CD72: variants seen among roughly 807,000 people sequenced by gnomAD.
CD72 encodes the protein B-cell differentiation antigen CD72.
CD72 carries 28 observed loss-of-function variants against 50.7 expected under a neutral mutation model. That is an observed-to-expected ratio of 0.55 (90% CI 0.41 to 0.76). The LOEUF (loss-of-function observed/expected upper bound fraction) is 0.76, where lower values mean the gene tolerates loss of function less well. CD72 is among the 30% of genes least tolerant of loss of function. CD72 has a pLI of 0.00. For synonymous variants in CD72, 176 were observed against 171.2 expected, an observed-to-expected ratio of 1.03 and a Z score of -0.22; for missense variants, 403 against 420.6, an observed-to-expected ratio of 0.96 and a Z score of 0.37.
chr9:35,612,890 C>T lies in CD72; in HGVS notation c.792G>A (p.Leu264=). The T allele has an allele frequency of 6.2e-7, 1 of 1,614,184 alleles. No individual in the cohort carries two copies. Among genetic ancestry groups the T allele is most frequent in the South Asian group, 1.1e-5 (1 of 91,080 alleles). Residue 264 remains leucine (L), a synonymous_variant, in exon 6 of 9, where the codon CTG becomes CTA. Transcript: ENST00000259633. ...CACTGAATGTGGCCAGCTTGGAAGA[C>T]AGAGTTTCACATTGTTTTTGGCTCT... ...WQESQKQCET[L]SSKLATFSEI...
At chr9:35,624,681 G>A (rs1028666561) in intron 1 of CD72, among the ~76,000 whole-genome samples, 25 of 152,102 alleles carry the variant, frequency 1.6e-4, no homozygotes, top group African/African-American at 5.8e-4. Context: ...TTTTTTACAG[G>A]TTGAAGGTTT....
chr9:35,620,494 T>C (rs1587904690), upstream of CD72, among the ~76,000 whole-genome samples: 1 of 147,236 alleles, frequency 6.8e-6, no homozygotes, highest in Non-Finnish European at 1.5e-5. Context: ...AAAAATGGAA[T>C]ACATGGGCTT....
At chr9:35,624,653 C>T (rs537388357) in intron 1 of CD72, among the ~76,000 whole-genome samples, 48 of 152,252 alleles carry the variant, frequency 3.2e-4, no homozygotes, top group Non-Finnish European at 2.9e-4. Context: ...TCACTTATTA[C>T]GCTTCACAGA....
chr9:35,634,149 T>G (rs1823270002), intron 1 of CD72, among the ~76,000 whole-genome samples: 1 of 152,192 alleles, frequency 6.6e-6, no homozygotes, highest in Non-Finnish European at 1.5e-5. Flanking sequence ...CTCTTCTTTT[T>G]TTTAATCTTT....
chr9:35,637,107 T>G (rs1587908997), intron 1 of CD72, among the ~76,000 whole-genome samples: 1 of 152,322 alleles, frequency 6.6e-6, no homozygotes, highest in East Asian at 1.9e-4. Context: ...AGAAGGTACT[T>G]TGTAATATTC....
At chr9:35,613,726 G>A (rs1823024989) in intron 5 of CD72, among the ~76,000 whole-genome samples, 1 of 152,112 alleles carries the variant, frequency 6.6e-6, no homozygotes, top group African/African-American at 2.4e-5. Context: ...ATCCCTGCTG[G>A]GCACAATGGC....
intron 1 of CD72, among the ~76,000 whole-genome samples, chr9:35,630,716 G>A (rs932611176): frequency 6.6e-6 from 1 of 152,098 alleles, no homozygotes; most frequent in African/African-American, 2.4e-5. Flanking sequence ...ATAGTAATCT[G>A]GGGCTAAATC....
chr9:35,639,056 TA>T lies in CD72; in HGVS notation n.408+7346del, dbSNP rs1265343810. On this transcript the variant is annotated intron_variant and non_coding_transcript_variant, in intron 1 of 3. Coordinates refer to the CD72 transcript ENST00000465754. ...TTTTTTTTTAGATGTATTTTACTTT[TA>T]TTTTTTTAATCTTTGGGCACAAAGA... Among the ~76,000 whole-genome samples, 9 of 152,134 alleles carry T rather than the reference TA, an allele frequency of 5.9e-5. No homozygotes were observed. The East Asian group carries it at 1.2e-3, about 20-fold the overall frequency.
At chr9:35,632,512 CT>C (rs1203232540) in intron 1 of CD72, among the ~76,000 whole-genome samples, 1 of 151,112 alleles carries the variant, frequency 6.6e-6, no homozygotes, top group Non-Finnish European at 1.5e-5. Flanking sequence ...CATAACTAAT[CT>C]TGTCTATTTA....
At chr9:35,625,808 T>C (rs1823190583) in intron 1 of CD72, among the ~76,000 whole-genome samples, 1 of 152,178 alleles carries the variant, frequency 6.6e-6, no homozygotes, top group African/African-American at 2.4e-5. Context: ...CCGTGCTCTA[T>C]ACATGGAAGA....
chr9:35,623,154 C>A (rs1294953296), upstream of CD72, among the ~76,000 whole-genome samples: 2 of 152,182 alleles, frequency 1.3e-5, no homozygotes, highest in Non-Finnish European at 2.9e-5. Context: ...ATACAGCAAG[C>A]ATTTATTGAA....
intron 5 of CD72, among the ~76,000 whole-genome samples, chr9:35,615,169 G>A (rs1823046259): frequency 6.6e-6 from 1 of 152,118 alleles, no homozygotes; most frequent in Non-Finnish European, 1.5e-5. Context: ...GTCACAGAGG[G>A]TAAGGTTAAG....
rs762196572 is a variant in CD72 at position 35,632,927 on chromosome 9, GT to G, written n.408+13475del. On this transcript the variant is annotated intron_variant and non_coding_transcript_variant, in intron 1 of 3. Coordinates refer to the CD72 transcript ENST00000465754. ...TTTTTGGATTTATTTATCCTTTTTA[GT>G]TTTTTTTTTTTTTTCTTTTTGAGAC... Among the ~76,000 whole-genome samples, 749 of 129,616 alleles carry G rather than the reference GT, an allele frequency of 5.8e-3. 1 individual carries two copies. Among genetic ancestry groups the G allele is most frequent in the African/African-American group, 0.014 (512 of 35,424 alleles). The allele number at this position is 129,616 out of a possible 152,430, so 85.0% of individuals were successfully genotyped here.
intron 1 of CD72, among the ~76,000 whole-genome samples, chr9:35,644,990 T>C (rs1466676520): frequency 6.7e-6 from 1 of 148,838 alleles, no homozygotes; most frequent in African/African-American, 2.5e-5. Flanking sequence ...TCACCTGAGG[T>C]TGGGAGTTCC....
rs1823101077 is a variant in CD72, at chr9:35,618,344, C to A, written c.-41G>T. 2 of 1,613,350 alleles carry A rather than the reference C, an allele frequency of 1.2e-6. No individual in the cohort carries two copies. Among genetic ancestry groups the A allele is most frequent in the East Asian group, 4.5e-5 (2 of 44,870 alleles). ...TGCCCCCACTCGTCTTCCCTGTCAT[C>A]CACTGTCCTCCCTTGCCCCTCTCGT... On this transcript the variant is annotated 5_prime_UTR_variant, in exon 1 of 9. Transcript: ENST00000259633.
At chr9:35,640,620 C>A (rs1563900853) in intron 1 of CD72, among the ~76,000 whole-genome samples, 2 of 152,222 alleles carry the variant, frequency 1.3e-5, no homozygotes, top group Non-Finnish European at 2.9e-5. Context: ...ACAGCAGACA[C>A]CCTGCCGGAT....
chr9:35,646,275 A>C (rs1266535722), intron 1 of CD72: 1 of 152,166 alleles, frequency 6.6e-6, no homozygotes, highest in African/African-American at 2.4e-5. Context: ...TTTAAGAAAG[A>C]GGAGGGACAG....
Position 35,614,521 on chromosome 9 carries a change from G to T in CD72, c.688+1422C>A, listed in dbSNP as rs150546828. Among the ~76,000 whole-genome samples, 301 of 152,214 alleles carry T rather than the reference G, an allele frequency of 2.0e-3. 2 individuals carry two copies. The highest frequency in any genetic ancestry group is 6.9e-3 in the African/African-American group (288 of 41,506). On this transcript the variant is annotated intron_variant, in intron 5 of 8. Transcript: ENST00000259633. The stretch of plus-strand genomic sequence containing the variant: ...GACATCTGCTGAAAGTGAGGGAGAA[G>T]GAGTTACTATGGAGAGCAAGCTGAC...
intron 6 of CD72, among the ~76,000 whole-genome samples, chr9:35,612,506 A>G (rs1352590140): frequency 6.6e-6 from 1 of 151,924 alleles, no homozygotes; most frequent in Non-Finnish European, 1.5e-5. Context: ...AATTGCATGA[A>G]CCCAGGAGGC....
Sources: gnomAD v4.1 joint callset for allele counts (sites outside exome capture counted in the v4.1 genomes callset) on GRCh38, gnomAD v4.1.1 for gene constraint, MANE v1.5 for transcripts, NCBI Gene and HGNC (gene_info 2026-07-23, HGNC 2026-07-21) for gene names.